MYO3B: variants seen among roughly 807,000 people sequenced by gnomAD.
The protein encoded by MYO3B is myosin-IIIb.
A neutral mutation model predicts 174.6 loss-of-function variants in MYO3B; 156 were observed. The observed-to-expected ratio is 0.89, with a 90% CI of 0.78 to 1.02. MYO3B has a LOEUF of 1.02. MYO3B is among the 50% of genes least tolerant of loss of function. MYO3B has a pLI of 0.00. For missense variants in MYO3B, 1,632 were observed against 1,639.4 expected, an observed-to-expected ratio of 1.00 and a Z score of 0.08; for synonymous variants, 563 against 569.1, an observed-to-expected ratio of 0.99 and a Z score of 0.15.
chr2:170,334,189 C>A (rs547857403), intron 7 of MYO3B: 1 of 152,260 alleles, frequency 6.6e-6, no homozygotes, highest in South Asian at 2.1e-4. Context: ...TTTAAGGAGA[C>A]TTTCTGGAAA....
rs180702305 is a variant in MYO3B at position 170,649,289 on chromosome 2, T to A, written c.3734-2339T>A. Among the ~76,000 whole-genome samples the A allele has an allele frequency of 7.9e-4, 50 of 63,136 alleles. 9 individuals carry two copies. Among genetic ancestry groups the A allele is most frequent in the African/African-American group, 3.6e-3 (47 of 13,072 alleles). The allele number at this position is 63,136 out of a possible 152,430, so 41.4% of individuals were successfully genotyped here. ...TATATTATATATAAAATAATATATA[T>A]TATATATAAAATAATATATATTATA... On this transcript the variant is annotated intron_variant, in intron 32 of 34. Transcript: ENST00000408978.
intron 30 of MYO3B, among the ~76,000 whole-genome samples, chr2:170,531,247 T>G (rs1319945556): frequency 3.3e-5 from 5 of 152,168 alleles, no homozygotes; most frequent in Non-Finnish European, 5.9e-5. Flanking sequence ...TGCAAAAAGT[T>G]CAGATTTCTC....
chr2:170,596,457 G>C (rs1039236229), intron 32 of MYO3B, among the ~76,000 whole-genome samples: 1 of 152,136 alleles, frequency 6.6e-6, no homozygotes, highest in Non-Finnish European at 1.5e-5. Flanking sequence ...GTTTATCTGG[G>C]CCTCAGAGTA....
At chr2:170,198,274 C>T (rs937521571) in intron 1 of MYO3B, among the ~76,000 whole-genome samples, 1 of 152,188 alleles carries the variant, frequency 6.6e-6, no homozygotes, top group Non-Finnish European at 1.5e-5. Context: ...GGGCAGTCCA[C>T]CCAGCTAGTT....
chr2:170,485,443 A>AGAGC (rs1464197907), intron 25 of MYO3B, among the ~76,000 whole-genome samples: 2 of 150,750 alleles, frequency 1.3e-5, no homozygotes, highest in Non-Finnish European at 3.0e-5. Context: ...AGAGAGAGAG[A>AGAGC]GCGAGTGAGT....
chr2:170,619,734 A>ATTTTTTTTTT (rs1553539465), intron 32 of MYO3B, among the ~76,000 whole-genome samples: 35 of 33,524 alleles, frequency 1.0e-3, no homozygotes, highest in Admixed American at 2.2e-3. Context: ...CTGCTGCCAT[A>ATTTTTTTTTT]TTCTTTTTTT....
At position 170,200,245 on chromosome 2, in the gene MYO3B, G is replaced by A. The variant is rs371141994; in HGVS notation, c.282G>A (p.Ala94=). The A allele has an allele frequency of 2.0e-5, 33 of 1,613,098 alleles. No individual in the cohort carries two copies. The highest frequency in any genetic ancestry group is 5.3e-5 in the African/African-American group (4 of 74,844). The change falls in exon 3 of 35, where the codon GCG becomes GCA. Residue 94 remains alanine (A), a synonymous_variant. Transcript: ENST00000408978. ...VVKFYGMFYK[A]DHCVGGQLWL... ...AGTTTTATGGGATGTTTTACAAAGCGGATCACTGTGTAGGGGGACAGCTGT... is the reference window on the plus strand; with the variant it reads ...AGTTTTATGGGATGTTTTACAAAGCAGATCACTGTGTAGGGGGACAGCTGT...
chr2:170,500,740 T>C (rs140465624), intron 27 of MYO3B, among the ~76,000 whole-genome samples: 2 of 152,266 alleles, frequency 1.3e-5, no homozygotes, highest in African/African-American at 4.8e-5. Context: ...TGAGATAATA[T>C]ACACTTCAGG....
At chr2:170,290,851 C>T (rs2093590697) in intron 7 of MYO3B, among the ~76,000 whole-genome samples, 1 of 148,156 alleles carries the variant, frequency 6.7e-6, no homozygotes. Context: ...GGCATTCATG[C>T]TGTGGTTACC....
chr2:170,255,252 G>A (rs997437457), intron 7 of MYO3B, among the ~76,000 whole-genome samples: 3 of 152,150 alleles, frequency 2.0e-5, no homozygotes, highest in Admixed American at 1.3e-4. Context: ...CTGGGGTGAG[G>A]AAACACAGGT....
chr2:170,382,393 T>C, intron 10 of MYO3B: 1 of 244,926 alleles, frequency 4.1e-6, no homozygotes, highest in African/African-American at 2.2e-5. Flanking sequence ...GCTGAAAATA[T>C]TTTGTTTGAT....
At chr2:170,385,201 C>T (rs1466554339) in intron 12 of MYO3B, among the ~76,000 whole-genome samples, 1 of 152,128 alleles carries the variant, frequency 6.6e-6, no homozygotes, top group African/African-American at 2.4e-5. Context: ...TTCACCAACT[C>T]AGAAGCTCTC....
At chr2:170,590,753 G>GA (rs1288668271) in intron 32 of MYO3B, among the ~76,000 whole-genome samples, 1 of 152,162 alleles carries the variant, frequency 6.6e-6, no homozygotes, top group Non-Finnish European at 1.5e-5. Context: ...CCCAAAAGGG[G>GA]AGAGTCGGTG....
At chr2:170,207,467 C>G (rs993322546) in intron 3 of MYO3B, among the ~76,000 whole-genome samples, 2 of 152,004 alleles carry the variant, frequency 1.3e-5, no homozygotes, top group Non-Finnish European at 2.9e-5. Context: ...AAGAGGGAGG[C>G]CAAAAGCCCA....
intron 30 of MYO3B, among the ~76,000 whole-genome samples, chr2:170,524,777 G>A (rs1688902124): frequency 6.6e-6 from 1 of 152,152 alleles, no homozygotes; most frequent in African/African-American, 2.4e-5. Flanking sequence ...GAGCCACCGT[G>A]CCTGGCCTGT....
chr2:170,249,886 ACCT>A (rs2093232565), intron 7 of MYO3B, among the ~76,000 whole-genome samples: 1 of 152,178 alleles, frequency 6.6e-6, no homozygotes, highest in South Asian at 2.1e-4. Context: ...CTGTAAAGAA[ACCT>A]CAGACTGAAT....
At chr2:170,195,622 C>T (rs1468430175) in intron 1 of MYO3B, among the ~76,000 whole-genome samples, 1 of 152,150 alleles carries the variant, frequency 6.6e-6, no homozygotes. Flanking sequence ...ACACTTAAGC[C>T]GTCTGTGGAC....
intron 7 of MYO3B, among the ~76,000 whole-genome samples, chr2:170,306,424 A>G (rs901281784): frequency 2.0e-5 from 3 of 152,190 alleles, no homozygotes; most frequent in Admixed American, 2.0e-4. Context: ...TTTAGAACCT[A>G]AAGTCAGACC....
intron 24 of MYO3B, among the ~76,000 whole-genome samples, 163 bp downstream of exon 24, chr2:170,463,608 G>A (rs1332665882): frequency 1.3e-5 from 2 of 152,170 alleles, no homozygotes; most frequent in Admixed American, 6.5e-5. Flanking sequence ...AGAACATTGG[G>A]CACAAAACCC....
Sources: gnomAD v4.1 joint callset for allele counts (sites outside exome capture counted in the v4.1 genomes callset) on GRCh38, gnomAD v4.1.1 for gene constraint, MANE v1.5 for transcripts, NCBI Gene and HGNC (gene_info 2026-07-23, HGNC 2026-07-21) for gene names.